RIPOR3: variants seen among roughly 807,000 people sequenced by gnomAD.
RIPOR3 encodes the protein family with sequence similarity 65 member C.
A neutral mutation model predicts 114.3 loss-of-function variants in RIPOR3; 95 were observed. That is an observed-to-expected ratio of 0.83 (90% CI 0.70 to 0.99). The LOEUF (loss-of-function observed/expected upper bound fraction) is 0.99. RIPOR3 is among the 50% of genes least tolerant of loss of function. The pLI is 0.00. For synonymous variants in RIPOR3, 575 were observed against 543.8 expected, an observed-to-expected ratio of 1.06 and a Z score of -0.80; for missense variants, 1,252 against 1,266.9, an observed-to-expected ratio of 0.99 and a Z score of 0.18.
chr20:50,656,523 C>G (rs1208828720), intron 1 of RIPOR3, among the ~76,000 whole-genome samples: 4 of 151,924 alleles, frequency 2.6e-5, no homozygotes, highest in African/African-American at 9.7e-5. Flanking sequence ...TATACAGTTT[C>G]CTGTTTCACT....
At chr20:50,609,992 TCACCTGCCACCCCTGCCTCACCTGCCA>T (rs2083899266) in intron 6 of RIPOR3, among the ~76,000 whole-genome samples, 1 of 54,842 alleles carries the variant, frequency 1.8e-5, no homozygotes, top group Non-Finnish European at 3.9e-5. Context: ...CACCCCTGCC[TCACCTGCCACCCCTGCCTCACCTGCCA>T]CCCCTGCCTC....
chr20:50,644,864 A>T (rs1490357402), intron 1 of RIPOR3, among the ~76,000 whole-genome samples: 3 of 141,856 alleles, frequency 2.1e-5, no homozygotes, highest in Non-Finnish European at 4.5e-5. Context: ...TTTGAGACGG[A>T]GTTTCGCTCT....
intron 3 of RIPOR3, among the ~76,000 whole-genome samples, 187 bp from the exon 4 acceptor site, chr20:50,616,267 G>A (rs2084169470): frequency 6.6e-6 from 1 of 152,144 alleles, no homozygotes; most frequent in African/African-American, 2.4e-5. Flanking sequence ...ATTGGTTACA[G>A]GGAAGTTCCT....
Position 50,592,385 on chromosome 20 carries a change from G to A in RIPOR3, c.2536C>T (p.Arg846Cys), listed in dbSNP as rs753109196. 5.2e-5 allele frequency: 84 copies of A among 1,605,222 alleles called. No individual in the cohort carries two copies. Among genetic ancestry groups the A allele is most frequent in the Non-Finnish European group, 6.4e-5 (75 of 1,173,876 alleles). ...CTGTTCCTGACTGCACCAGCCAGGC[G>A]AGCGCTGGCCGCCCTGCACACCCTC... ...TPRVCRAASA[R>C]LAGAVRNRSF... The change falls in exon 19 of 22, where the codon CGC becomes TGC. Residue 846 changes from arginine (R) to cysteine (C), a missense_variant. Transcript: ENST00000327979.
At chr20:50,618,308 A>G (rs113610568) in intron 3 of RIPOR3, among the ~76,000 whole-genome samples, 8,229 of 148,166 alleles carry the variant, frequency 0.056, 795 homozygotes, top group African/African-American at 0.2. Context: ...AAAAGGCGTA[A>G]GTAGGAGAGA....
chr20:50,620,806 G>T, intron 2 of RIPOR3: 1 of 1,032,588 alleles, frequency 9.7e-7, no homozygotes, highest in Non-Finnish European at 1.5e-6. Context: ...AGGGCCACAA[G>T]GTGACCAAGA....
intron 1 of RIPOR3, among the ~76,000 whole-genome samples, chr20:50,688,081 T>A (rs2087089714): frequency 6.6e-6 from 1 of 152,226 alleles, no homozygotes; most frequent in African/African-American, 2.4e-5. Context: ...TTACAATTGA[T>A]GAAGGAGTGT....
At chr20:50,660,959 C>T (rs1417197392) in intron 1 of RIPOR3, among the ~76,000 whole-genome samples, 3 of 151,842 alleles carry the variant, frequency 2.0e-5, no homozygotes, top group East Asian at 1.9e-4. Flanking sequence ...TTGTAGAGGC[C>T]GGGTGCGGTG....
intron 1 of RIPOR3, among the ~76,000 whole-genome samples, chr20:50,685,766 A>G (rs2086996798): frequency 6.8e-6 from 1 of 146,196 alleles, no homozygotes; most frequent in South Asian, 2.3e-4. Flanking sequence ...GGTTGAAGTG[A>G]GCAGGATCAC....
chr20:50,670,728 C>T (rs563899098), intron 1 of RIPOR3, among the ~76,000 whole-genome samples: 1 of 152,080 alleles, frequency 6.6e-6, no homozygotes, highest in Admixed American at 6.6e-5. Context: ...TCCAACCCTG[C>T]GTGGCAGCAG....
Position 50,666,226 on chromosome 20 carries a change from T to TC in RIPOR3, c.3+24899_3+24900insG, listed in dbSNP as rs1555873214. ...TCTTTTCTTTTCTTTTCTTTTCTTT[T>TC]TTGAGACGGAGTCACGCTCTGTTGC... On this transcript the variant is annotated intron_variant, in intron 1 of 21. Coordinates refer to ENST00000327979, the MANE Select transcript of RIPOR3 (RefSeq NM_001290268.2). Among the ~76,000 whole-genome samples, 68 of 139,726 alleles carry TC rather than the reference T, an allele frequency of 4.9e-4. 1 individual carries two copies. Among genetic ancestry groups the TC allele is most frequent in the East Asian group, 1.1e-3 (5 of 4,554 alleles). The allele number at this position is 139,726 out of a possible 152,430, so 91.7% of individuals were successfully genotyped here.
chr20:50,602,172 G>C lies in RIPOR3; in HGVS notation c.1559C>G (p.Pro520Arg). Residue 520 changes from proline (P) to arginine (R), a missense_variant, in exon 13 of 22, where the codon CCT (proline) becomes CGT (arginine). By Grantham distance (103) the Pro-to-Arg change is moderately radical. Transcript: ENST00000327979. This position sits in a 1 kb window ranked among gnomAD's most constrained non-coding sequence, Gnocchi z 4.3. The stretch of plus-strand genomic sequence containing the variant: ...CAGCAACTCCAGGACCTCCTGCAGA[G>C]GCCCCTCGAGGGCCACGCCAGGCCC... Reference protein sequence around the residue: ...EDGPGVALEGPLQEVLELLRP... With the variant: ...EDGPGVALEGRLQEVLELLRP... 1 of 1,613,074 alleles carries C rather than the reference G, an allele frequency of 6.2e-7. No homozygotes were observed. The highest frequency in any genetic ancestry group is 8.5e-7 in the Non-Finnish European group (1 of 1,179,762).
At chr20:50,647,462 G>C (rs2085440039) in intron 1 of RIPOR3, among the ~76,000 whole-genome samples, 1 of 150,100 alleles carries the variant, frequency 6.7e-6, no homozygotes, top group South Asian at 2.1e-4. Context: ...TTCAAGTCTA[G>C]CCTTTGCCTC....
At chr20:50,670,372 C>T (rs1600734753) in intron 1 of RIPOR3, among the ~76,000 whole-genome samples, 1 of 135,982 alleles carries the variant, frequency 7.4e-6, no homozygotes, top group Non-Finnish European at 1.6e-5. Context: ...CCCCCACCCC[C>T]ACCCACCCAC....
intron 1 of RIPOR3, among the ~76,000 whole-genome samples, chr20:50,690,195 G>T (rs988444978): frequency 6.6e-6 from 1 of 152,226 alleles, no homozygotes; most frequent in African/African-American, 2.4e-5. Context: ...CACTGCACGG[G>T]CCCAGAGTGA....
At chr20:50,647,256 G>A (rs1193617382) in intron 1 of RIPOR3, among the ~76,000 whole-genome samples, 1 of 151,986 alleles carries the variant, frequency 6.6e-6, no homozygotes, top group Admixed American at 6.6e-5. Flanking sequence ...GGAGGCGGAG[G>A]TTGTAGTGAG....
chr20:50,640,083 T>C (rs2085134181), intron 1 of RIPOR3, among the ~76,000 whole-genome samples: 1 of 151,940 alleles, frequency 6.6e-6, no homozygotes, highest in Non-Finnish European at 1.5e-5. Flanking sequence ...CACTATGGTA[T>C]TTGGTTGGCT....
At chr20:50,620,469 A>G (rs2065402) in intron 2 of RIPOR3, among the ~76,000 whole-genome samples, 84,120 of 151,690 alleles carry the variant, frequency 0.55, 25,577 homozygotes, top group Middle Eastern at 0.72. Context: ...TCTACTAAAA[A>G]TACAAAAATT....
chr20:50,640,187 C>T (rs2085137944), intron 1 of RIPOR3, among the ~76,000 whole-genome samples: 1 of 152,328 alleles, frequency 6.6e-6, no homozygotes, highest in Admixed American at 6.5e-5. Context: ...CCTGGGTCTG[C>T]GGCTCCCACA....
Sources: gnomAD v4.1 joint callset for allele counts (sites outside exome capture counted in the v4.1 genomes callset) on GRCh38, gnomAD v4.1.1 for gene constraint, Gnocchi (gnomAD v3.1) non-coding constraint, MANE v1.5 for transcripts, NCBI Gene and HGNC (gene_info 2026-07-23, HGNC 2026-07-21) for gene names.